THSD7B: variants seen among roughly 807,000 people sequenced by gnomAD.
THSD7B encodes thrombospondin type 1 domain containing 7B, also known as thrombospondin type-1 domain-containing protein 7B.
A neutral mutation model predicts 213.6 loss-of-function variants in THSD7B; 138 were observed. The observed-to-expected ratio is 0.65, with a 90% CI of 0.56 to 0.74. The LOEUF is 0.74. Ranked by LOEUF, THSD7B falls within the 30% of genes least tolerant of loss-of-function variation. THSD7B has a pLI of 0.00. For synonymous variants in THSD7B, 742 were observed against 687.0 expected (o/e 1.08, Z -1.25); for missense variants, 1,931 against 1,991.5 (o/e 0.97, Z 0.58).
chr2:137,636,954 C>T (rs1033954671), intron 20 of THSD7B, among the ~76,000 whole-genome samples: 2 of 152,202 alleles, frequency 1.3e-5, no homozygotes, highest in Non-Finnish European at 2.9e-5. Flanking sequence ...TTCCAAAATG[C>T]TGGGATTACA....
intron 12 of THSD7B, among the ~76,000 whole-genome samples, chr2:137,294,264 T>C (rs1683403515): frequency 6.6e-6 from 1 of 152,068 alleles, no homozygotes; most frequent in African/African-American, 2.4e-5. Flanking sequence ...TTCAGTTTCC[T>C]ATGGTATGGT....
intron 12 of THSD7B, among the ~76,000 whole-genome samples, chr2:137,330,366 C>T (rs1415917454): frequency 6.6e-6 from 1 of 152,166 alleles, no homozygotes; most frequent in Non-Finnish European, 1.5e-5. Context: ...GGAAAAGCCA[C>T]AGACACTAAA....
chr2:137,268,702 A>T (rs1445445513), intron 10 of THSD7B, among the ~76,000 whole-genome samples: 2 of 152,214 alleles, frequency 1.3e-5, no homozygotes, highest in Middle Eastern at 3.4e-3. Context: ...CCTGTATCTT[A>T]TGCTGACCTC....
At chr2:136,818,335 G>A (rs999208243) in intron 1 of THSD7B, among the ~76,000 whole-genome samples, 13 of 140,610 alleles carry the variant, frequency 9.2e-5, no homozygotes, top group African/African-American at 2.9e-4. Flanking sequence ...CTCATAGGTG[G>A]GAATTGAACA....
At chr2:137,612,336 T>C (rs1682304699) in intron 17 of THSD7B, among the ~76,000 whole-genome samples, 1 of 152,146 alleles carries the variant, frequency 6.6e-6, no homozygotes, top group African/African-American at 2.4e-5. Flanking sequence ...CCCAAGCCCA[T>C]AATGGGTGTG....
intron 15 of THSD7B, among the ~76,000 whole-genome samples, chr2:137,509,976 A>AT (rs1263165491): frequency 1.3e-5 from 2 of 152,052 alleles, no homozygotes; most frequent in South Asian, 4.2e-4. Flanking sequence ...TGGTTTTAAC[A>AT]TTTTTTTCTC....
intron 6 of THSD7B, among the ~76,000 whole-genome samples, chr2:137,162,482 CT>C (rs1680036571): frequency 6.6e-6 from 1 of 152,016 alleles, no homozygotes; most frequent in South Asian, 2.1e-4. Flanking sequence ...TCCCTTCAAA[CT>C]TCAAAGACAG....
At chr2:137,644,636 CTTAAA>C (rs1264280874) in intron 21 of THSD7B, among the ~76,000 whole-genome samples, 4 of 152,030 alleles carry the variant, frequency 2.6e-5, no homozygotes, top group African/African-American at 9.7e-5. Context: ...ATTTACTATA[CTTAAA>C]TTTATATATA....
intron 17 of THSD7B, among the ~76,000 whole-genome samples, chr2:137,590,369 G>A (rs1024380603): frequency 6.6e-6 from 1 of 152,144 alleles, no homozygotes; most frequent in Non-Finnish European, 1.5e-5. Flanking sequence ...ATGGAAATTT[G>A]TGCAGGACAG....
intron 1 of THSD7B, among the ~76,000 whole-genome samples, chr2:136,769,352 C>T (rs191256430): frequency 6.3e-4 from 96 of 152,222 alleles, no homozygotes; most frequent in African/African-American, 2.2e-3. Context: ...TATAGTCCAC[C>T]GGTGATTTAG....
In THSD7B at chr2:136,859,691, G is replaced by A. The variant is rs150775856; in HGVS notation, c.-35-22453G>A. 1.6e-4 allele frequency among the ~76,000 whole-genome samples: 25 copies of A among 152,316 alleles called. No individual in the cohort carries two copies. The East Asian group carries it at 4.4e-3, about 27-fold the overall frequency. On this transcript the variant is annotated intron_variant, in intron 1 of 27. Transcript: ENST00000409968. The stretch of plus-strand genomic sequence containing the variant: ...TCCAAAAGGCAGTTTGAATGGTCAA[G>A]CATACTTGGCCACAGTGCGTTTTTA...
intron 20 of THSD7B, among the ~76,000 whole-genome samples, chr2:137,638,200 C>T (rs1210428289): frequency 1.3e-5 from 2 of 152,276 alleles, no homozygotes; most frequent in African/African-American, 4.8e-5. Flanking sequence ...TGTCCCCAAC[C>T]AAATCTCAAA....
chr2:137,372,323 C>CTTTT lies in THSD7B; in HGVS notation c.2501-33265_2501-33262dup, dbSNP rs55635315. Among the ~76,000 whole-genome samples, 126 of 57,536 alleles carry CTTTT rather than the reference C, an allele frequency of 2.2e-3. 22 individuals carry two copies. Among genetic ancestry groups the CTTTT allele is most frequent in the Non-Finnish European group, 3.5e-3 (105 of 29,876 alleles). The allele number at this position is 57,536 out of a possible 152,430, so 37.7% of individuals were successfully genotyped here. ...AGGCCAGAGAGAGTCTGATAATACT[C>CTTTT]TTTTTTTTTTTTTTTTTTTTTTTTT... On this transcript the variant is annotated intron_variant, in intron 12 of 27. Coordinates refer to ENST00000409968, the MANE Select transcript of THSD7B (RefSeq NM_001316349.2).
At chr2:136,999,462 C>CT (rs144700485) in intron 2 of THSD7B, among the ~76,000 whole-genome samples, 2,364 of 143,244 alleles carry the variant, frequency 0.017, 29 homozygotes, top group Middle Eastern at 0.022. Flanking sequence ...AATTAGGTAT[C>CT]TTGTTTTTTT....
At chr2:137,136,100 A>G (rs562486251) in intron 5 of THSD7B, among the ~76,000 whole-genome samples, 1 of 152,266 alleles carries the variant, frequency 6.6e-6, no homozygotes, top group South Asian at 2.1e-4. Context: ...GGAATTGAAC[A>G]ATGAGAACAC....
rs35350170 is a variant in THSD7B at position 137,425,099 on chromosome 2, GATA to G, written c.2959+13240_2959+13242del. Among the ~76,000 whole-genome samples, 60 of 147,344 alleles carry G rather than the reference GATA, an allele frequency of 4.1e-4. No homozygotes were observed. The East Asian group carries it at 8.8e-3, about 22-fold the overall frequency. On this transcript the variant is annotated intron_variant, in intron 14 of 27. Coordinates refer to ENST00000409968, the MANE Select transcript of THSD7B (RefSeq NM_001316349.2). ...AAATAATAATAATAATAATAATAAT[GATA>G]ATAATAATAATACAATAAAAATAGT... is the stretch of plus-strand genomic sequence containing the variant.
At position 137,441,967 on chromosome 2, in the gene THSD7B, A is replaced by G. The variant is rs536889729; in HGVS notation, c.2960-8878A>G. On this transcript the variant is annotated intron_variant, in intron 14 of 27. Coordinates refer to ENST00000409968, the MANE Select transcript of THSD7B (RefSeq NM_001316349.2). ...CTTTTAGTAGCAGTAAAATGTTAGT[A>G]TGTCACTTTCATCATATATTAATTA... Among the ~76,000 whole-genome samples, 25 of 152,184 alleles carry G rather than the reference A, an allele frequency of 1.6e-4. No homozygotes were observed. The South Asian group carries it at 5.2e-3, about 32-fold the overall frequency.
intron 7 of THSD7B, among the ~76,000 whole-genome samples, chr2:137,195,531 T>A (rs1680743539): frequency 6.6e-6 from 1 of 152,122 alleles, no homozygotes; most frequent in Non-Finnish European, 1.5e-5. Context: ...TGCAAAAGAA[T>A]GCAGGTCCAC....
intron 2 of THSD7B, among the ~76,000 whole-genome samples, chr2:136,983,358 G>GACACAC (rs778968995): frequency 2.4e-4 from 25 of 105,022 alleles, no homozygotes; most frequent in African/African-American, 4.1e-4. Context: ...CAGACACACA[G>GACACAC]ACACACACAC....
Sources: gnomAD v4.1 joint callset for allele counts (sites outside exome capture counted in the v4.1 genomes callset) on GRCh38, gnomAD v4.1.1 for gene constraint, MANE v1.5 for transcripts, NCBI Gene and HGNC (gene_info 2026-07-23, HGNC 2026-07-21) for gene names.